Variants in METTL16 observed in about 807,000 individuals in gnomAD.
METTL16 encodes methyltransferase 16, RNA N6-adenosine.
In METTL16, 19 loss-of-function variants were observed where a neutral mutation model predicts 57.9. The ratio of observed to expected loss-of-function variants is 0.33; its 90% CI spans 0.23 to 0.48. The LOEUF is 0.48. Among genes scored for constraint, METTL16 ranks in the 20% least tolerant of loss-of-function variants. The pLI is 0.99. For synonymous variants in METTL16, 246 were observed against 255.6 expected, an observed-to-expected ratio of 0.96 and a Z score of 0.36; for missense variants, 434 against 691.5, an observed-to-expected ratio of 0.63 and a Z score of 4.18.
intron 4 of METTL16, among the ~76,000 whole-genome samples, chr17:2,471,527 C>T (rs1330480840): frequency 2.6e-5 from 4 of 152,100 alleles, no homozygotes; most frequent in African/African-American, 4.8e-5. Flanking sequence ...CAGTGGCTCA[C>T]GCCTGTAATC....
intron 6 of METTL16, among the ~76,000 whole-genome samples, chr17:2,447,136 G>A (rs2067004094): frequency 7.0e-6 from 1 of 142,104 alleles, no homozygotes; most frequent in South Asian, 2.2e-4. Context: ...AGGAAGCGAG[G>A]AGCGCCTCTT....
At chr17:2,482,838 G>A (rs1235453012) in intron 2 of METTL16, among the ~76,000 whole-genome samples, 1 of 152,160 alleles carries the variant, frequency 6.6e-6, no homozygotes, top group African/African-American at 2.4e-5. Flanking sequence ...TTGAGCCCAG[G>A]AGATCAAGGC....
intron 2 of METTL16, among the ~76,000 whole-genome samples, chr17:2,489,732 CAAAAAA>C (rs61506042): frequency 2.8e-4 from 17 of 60,328 alleles, no homozygotes; most frequent in African/African-American, 1.5e-3. Flanking sequence ...GAGCGAGACT[CAAAAAA>C]AAAAAAAAAA....
At chr17:2,454,298 T>TG (rs1165714940) in intron 6 of METTL16, among the ~76,000 whole-genome samples, 1 of 152,128 alleles carries the variant, frequency 6.6e-6, no homozygotes, top group East Asian at 1.9e-4. Flanking sequence ...AGCAGAGGTT[T>TG]GGGGTATAAG....
chr17:2,435,249 G>A (rs2066901278), intron 8 of METTL16, among the ~76,000 whole-genome samples: 1 of 152,198 alleles, frequency 6.6e-6, no homozygotes, highest in Non-Finnish European at 1.5e-5. Context: ...CCTGAGATAA[G>A]TGAAAACAGA....
chr17:2,428,579 ATATATATATATATATATATAT>A (rs2066841824), intron 8 of METTL16, among the ~76,000 whole-genome samples: 2 of 42,914 alleles, frequency 4.7e-5, no homozygotes, highest in Non-Finnish European at 7.8e-5. Context: ...ATATATATAT[ATATATATATATATATATATAT>A]ATAAATTGTA....
At chr17:2,451,184 G>A (rs1001412493) in intron 6 of METTL16, among the ~76,000 whole-genome samples, 3 of 152,022 alleles carry the variant, frequency 2.0e-5, no homozygotes, top group Non-Finnish European at 4.4e-5. Flanking sequence ...TTTTGTTTAG[G>A]CAATCCTTTT....
chr17:2,500,602 T>C (rs112140392), intron 2 of METTL16, among the ~76,000 whole-genome samples: 4,090 of 152,074 alleles, frequency 0.027, 96 homozygotes, highest in African/African-American at 0.067. Context: ...TTTCCCTTCC[T>C]TTTTCTCCTC....
chr17:2,483,915 A>G (rs1168414705), intron 2 of METTL16, among the ~76,000 whole-genome samples: 1 of 152,242 alleles, frequency 6.6e-6, no homozygotes, highest in African/African-American at 2.4e-5. Context: ...TACCATGCTA[A>G]GGCATTCAAA....
At position 2,420,108 on chromosome 17, in the gene METTL16, C is replaced by T. The variant is rs2066749321; in HGVS notation, c.1551G>A (p.Lys517=). 3.7e-6 allele frequency: 6 copies of T among 1,614,226 alleles called. No individual in the cohort carries two copies. The East Asian group carries it at 1.3e-4, about 36-fold the overall frequency. Residue 517 remains lysine, a synonymous_variant, in exon 10 of 10, where the codon AAG becomes AAA. Coordinates refer to ENST00000263092, the MANE Select transcript of METTL16 (RefSeq NM_024086.4). This position sits in a 1 kb window ranked among gnomAD's most constrained non-coding sequence, Gnocchi z 5.4. ...LPGVAGQYLF[K]CLINVKKEVD... ...CCTCCTTCTTAACGTTTATCAAACA[C>T]TTAAACAGGTACTGTCCGGCCACTC...
chr17:2,425,812 G>C (rs1333422601), intron 8 of METTL16, among the ~76,000 whole-genome samples: 1 of 151,938 alleles, frequency 6.6e-6, no homozygotes, highest in Non-Finnish European at 1.5e-5. Flanking sequence ...TCAGTCTTCT[G>C]AGTAGCAGGG....
chr17:2,456,777 T>C (rs1471247694), intron 6 of METTL16, among the ~76,000 whole-genome samples: 1 of 152,064 alleles, frequency 6.6e-6, no homozygotes, highest in Non-Finnish European at 1.5e-5. Context: ...ACTGTCAAGC[T>C]ACTTATTTTG....
At chr17:2,506,709 C>A (rs4346235) in intron 1 of METTL16, among the ~76,000 whole-genome samples, 1 of 151,354 alleles carries the variant, frequency 6.6e-6, no homozygotes, top group Non-Finnish European at 1.5e-5. Flanking sequence ...AGCCGCCACC[C>A]CGTCTGGGAA....
chr17:2,426,747 A>G (rs1284181759), intron 8 of METTL16, among the ~76,000 whole-genome samples: 9 of 151,418 alleles, frequency 5.9e-5, no homozygotes, highest in African/African-American at 1.9e-4. Context: ...AAAAAAAAAA[A>G]AAAAAGTAAA....
rs1256586645 is a variant in METTL16, at chr17:2,417,885, A to G, written c.*2085T>C. 6.6e-6 allele frequency: 1 copy of G among 152,234 alleles called. No homozygotes were observed. The highest frequency in any genetic ancestry group is 1.5e-5 in the Non-Finnish European group (1 of 68,050). 9.4% of individuals were successfully genotyped at this position (152,234 alleles called of 1,614,324 possible). ...AGTACTTACTACTTACTGAATGAATAGTTGCCACTTAAACAATTATCCTAA... is the reference window on the plus strand; with the variant it reads ...AGTACTTACTACTTACTGAATGAATGGTTGCCACTTAAACAATTATCCTAA... On this transcript the variant is annotated 3_prime_UTR_variant, in exon 10 of 10. Coordinates refer to ENST00000263092, the MANE Select transcript of METTL16 (RefSeq NM_024086.4).
chr17:2,505,031 T>C (rs573506974), intron 1 of METTL16, among the ~76,000 whole-genome samples: 1 of 152,308 alleles, frequency 6.6e-6, no homozygotes, highest in South Asian at 2.1e-4. Context: ...TAATTTTGTC[T>C]TCTTCCAGAT....
intron 2 of METTL16, among the ~76,000 whole-genome samples, chr17:2,501,065 C>T (rs548755332): frequency 1.1e-4 from 16 of 152,082 alleles, no homozygotes; most frequent in African/African-American, 3.4e-4. Flanking sequence ...TGCAGTGAGG[C>T]GAGACTGCAC....
At chr17:2,433,076 T>C (rs9894088) in intron 8 of METTL16, among the ~76,000 whole-genome samples, 41,330 of 152,102 alleles carry the variant, frequency 0.27, 9,384 homozygotes, top group African/African-American at 0.62. Context: ...ATGCAGAGTA[T>C]AGATAACTGA....
intron 6 of METTL16, among the ~76,000 whole-genome samples, chr17:2,445,974 G>A (rs2066992442): frequency 6.6e-6 from 1 of 152,008 alleles, no homozygotes; most frequent in Non-Finnish European, 1.5e-5. Flanking sequence ...ATATCTATAA[G>A]TCACTGTATT....
Sources: allele counts gnomAD v4.1 joint callset (sites outside exome capture counted in the v4.1 genomes callset), GRCh38; gene constraint gnomAD v4.1.1; non-coding constraint Gnocchi (gnomAD v3.1); transcripts MANE v1.5; gene names NCBI Gene and HGNC (gene_info 2026-07-23, HGNC 2026-07-21).